The following DZANK1 variants were observed in gnomAD, a reference collection of about 807,000 sequenced individuals.
DZANK1 encodes double zinc ribbon and ankyrin repeat-containing protein 1.
Under a neutral mutation model 94.5 loss-of-function variants are expected in DZANK1, and 91 were observed. That is an observed-to-expected ratio of 0.96 (90% CI 0.81 to 1.15). The LOEUF is 1.15. DZANK1 is among the 50% of genes most tolerant of loss of function. DZANK1 has a pLI of 0.00. For missense variants in DZANK1, 903 were observed against 916.4 expected (o/e 0.99, Z 0.19); for synonymous variants, 312 against 325.3 (o/e 0.96, Z 0.44).
At chr20:18,408,063 C>T (rs1008832256) in intron 13 of DZANK1, among the ~76,000 whole-genome samples, 170 of 152,310 alleles carry the variant, frequency 1.1e-3, no homozygotes, top group African/African-American at 3.3e-3. Flanking sequence ...CACCTGTAAT[C>T]CCAGCACTTC....
intron 6 of DZANK1, among the ~76,000 whole-genome samples, chr20:18,451,142 C>G (rs2059086374): frequency 6.6e-6 from 1 of 152,100 alleles, no homozygotes; most frequent in African/African-American, 2.4e-5. Context: ...GACGGGGTTT[C>G]ACCATATTGG....
At chr20:18,412,982 G>A in intron 12 of DZANK1, 129 bp from the exon 13 acceptor site, 1 of 879,978 alleles carries the variant, frequency 1.1e-6, no homozygotes, top group East Asian at 2.6e-5. Flanking sequence ...AACTAATAGG[G>A]TTTTCCAGCC....
At position 18,437,307 on chromosome 20, in the gene DZANK1, G is replaced by A. The variant is rs543632082; in HGVS notation, c.748-3542C>T. Among the ~76,000 whole-genome samples, 10 of 152,354 alleles carry A rather than the reference G, an allele frequency of 6.6e-5. No individual in the cohort carries two copies. In the East Asian group the frequency reaches 1.2e-3, roughly 18 times the overall value. ...AAAAAGAAAGAAAGGGGCCGGGTGC[G>A]ATGGCTCACACTTGTAATTCCAGCA... On this transcript the variant is annotated intron_variant, in intron 8 of 20. Coordinates refer to ENST00000262547, the Ensembl canonical transcript of DZANK1.
At chr20:18,437,283 A>G in intron 8 of DZANK1, among the ~76,000 whole-genome samples, 1 of 152,370 alleles carries the variant, frequency 6.6e-6, no homozygotes, top group South Asian at 2.1e-4. Flanking sequence ...AATGTTAAGA[A>G]AAAGAAAGAA....
At chr20:18,429,914 G>A (rs1185249312) in intron 9 of DZANK1, among the ~76,000 whole-genome samples, 2 of 152,168 alleles carry the variant, frequency 1.3e-5, no homozygotes, top group East Asian at 3.9e-4. Context: ...TGGAATTGAG[G>A]CTACCATCAG....
At chr20:18,404,340 T>C (rs79726483) in intron 13 of DZANK1, among the ~76,000 whole-genome samples, 3,746 of 152,248 alleles carry the variant, frequency 0.025, 70 homozygotes, top group African/African-American at 0.047. Flanking sequence ...CACAGCTTAA[T>C]GGCTAGGTGT....
At chr20:18,422,376 C>G (rs1196016697) in intron 10 of DZANK1, among the ~76,000 whole-genome samples, 1 of 152,092 alleles carries the variant, frequency 6.6e-6, no homozygotes, top group African/African-American at 2.4e-5. Flanking sequence ...TTTCTGGGCT[C>G]TCTATTCTTG....
intron 7 of DZANK1, among the ~76,000 whole-genome samples, chr20:18,446,164 G>A (rs968597403): frequency 6.6e-6 from 1 of 152,170 alleles, no homozygotes; most frequent in African/African-American, 2.4e-5. Flanking sequence ...AGGATGCCTT[G>A]AATCCAGGAG....
intron 13 of DZANK1, among the ~76,000 whole-genome samples, chr20:18,408,213 GGCTGAGGCAGGA>G (rs2057054773): frequency 6.6e-6 from 1 of 152,198 alleles, no homozygotes; most frequent in Non-Finnish European, 1.5e-5. Flanking sequence ...CTACTTGGGA[GGCTGAGGCAGGA>G]GAATCGCTTC....
chr20:18,394,044 T>C (rs757810861), intron 16 of DZANK1, among the ~76,000 whole-genome samples: 3 of 152,120 alleles, frequency 2.0e-5, no homozygotes, highest in Non-Finnish European at 2.9e-5. Flanking sequence ...GGTCCAAAAG[T>C]GCACCCCACA....
At chr20:18,405,563 C>T (rs556917802) in intron 13 of DZANK1, among the ~76,000 whole-genome samples, 27 of 152,234 alleles carry the variant, frequency 1.8e-4, no homozygotes, top group African/African-American at 6.0e-4. Flanking sequence ...GATTGCCAAA[C>T]CCTTCCCAAA....
At chr20:18,433,933 T>C in intron 8 of DZANK1, 168 bp from the exon 9 acceptor site, 1 of 568,796 alleles carries the variant, frequency 1.8e-6, no homozygotes. Flanking sequence ...TGGAAGAATG[T>C]AAAGTTTGAT....
At chr20:18,408,776 A>G (rs1451204442) in intron 13 of DZANK1, among the ~76,000 whole-genome samples, 1 of 152,244 alleles carries the variant, frequency 6.6e-6, no homozygotes, top group African/African-American at 2.4e-5. Flanking sequence ...GAGTTATTCA[A>G]TCTGAAAGAA....
chr20:18,384,390 G>T, exon 21 of DZANK1: 1 of 1,605,680 alleles, frequency 6.2e-7, no homozygotes, highest in Non-Finnish European at 8.5e-7. Context: ...TCCCGTGGAG[G>T]CCTCAGGGCT....
At chr20:18,461,555 G>A (rs2059472962) in intron 2 of DZANK1, among the ~76,000 whole-genome samples, 1 of 150,520 alleles carries the variant, frequency 6.6e-6, no homozygotes, top group African/African-American at 2.4e-5. Flanking sequence ...AGACAAATAT[G>A]TAGAACTAGT....
chr20:18,449,174 C>A, intron 6 of DZANK1, 105 bp from the exon 7 acceptor site: 1 of 894,396 alleles, frequency 1.1e-6, no homozygotes. Context: ...TGGGTGAATA[C>A]ACATAGACAT....
chr20:18,419,900 A>AC (rs1344917230), intron 10 of DZANK1, among the ~76,000 whole-genome samples: 1 of 151,326 alleles, frequency 6.6e-6, no homozygotes, highest in Non-Finnish European at 1.5e-5. Context: ...CAAAAAAAAA[A>AC]ACAAACAGCT....
Position 18,395,636 on chromosome 20 carries a change from G to A in DZANK1, c.1611+836C>T, listed in dbSNP as rs575927260. ...CCTTGCCTCAACTGGGGACAACTTTGTGGTTTAATTCATTCTCCAGAGTTC... is the reference window on the plus strand; with the variant it reads ...CCTTGCCTCAACTGGGGACAACTTTATGGTTTAATTCATTCTCCAGAGTTC... On this transcript the variant is annotated intron_variant, in intron 15 of 20. Transcript: ENST00000262547. 2.6e-5 allele frequency among the ~76,000 whole-genome samples: 4 copies of A among 152,226 alleles called. No individual in the cohort carries two copies. The South Asian group carries it at 8.3e-4, about 32-fold the overall frequency.
At chr20:18,428,176 G>GT (rs1359362266) in intron 9 of DZANK1, among the ~76,000 whole-genome samples, 1 of 150,720 alleles carries the variant, frequency 6.6e-6, no homozygotes, top group Non-Finnish European at 1.5e-5. Flanking sequence ...AAAGAGAGTG[G>GT]TAAGTACAAC....
Sources: allele counts gnomAD v4.1 joint callset (sites outside exome capture counted in the v4.1 genomes callset), GRCh38; gene constraint gnomAD v4.1.1; transcripts MANE v1.5; gene names NCBI Gene and HGNC (gene_info 2026-07-23, HGNC 2026-07-21).